MGA: variants seen among roughly 807,000 people sequenced by gnomAD.
The protein encoded by MGA is MAX gene-associated protein.
Under a neutral mutation model 261.1 loss-of-function variants are expected in MGA, and 40 were observed. The ratio of observed to expected loss-of-function variants is 0.15; its 90% CI spans 0.12 to 0.20. The LOEUF (loss-of-function observed/expected upper bound fraction) is 0.20, where lower values mean the gene tolerates loss of function less well. Ranked by LOEUF, MGA falls within the 10% of genes least tolerant of loss-of-function variation. MGA has a pLI of 1.00. For synonymous variants in MGA, 1,302 were observed against 1,290.6 expected (o/e 1.01, Z -0.19); for missense variants, 3,397 against 3,630.5 (o/e 0.94, Z 1.65).
chr15:41,707,623 GACCTT>G (rs1314900434), intron 5 of MGA, 100 bp from the exon 6 acceptor site: 4 of 1,080,556 alleles, frequency 3.7e-6, no homozygotes, highest in African/African-American at 3.2e-5. Context: ...TTTCTCTCTC[GACCTT>G]ACCCCCCCGC....
chr15:41,652,536 ATTT>A (rs565376449), intron 1 of MGA, among the ~76,000 whole-genome samples: 7 of 136,346 alleles, frequency 5.1e-5, no homozygotes, highest in Non-Finnish European at 8.0e-5. Flanking sequence ...AGCTAATTAA[ATTT>A]TTTTTTTTTT....
chr15:41,661,438 C>G (rs2057393870), intron 1 of MGA, among the ~76,000 whole-genome samples: 2 of 145,316 alleles, frequency 1.4e-5, no homozygotes, highest in Admixed American at 1.5e-4. Flanking sequence ...GTCGGGAGTG[C>G]AAAAGTGGTA....
At chr15:41,667,681 C>G (rs541247147) in intron 1 of MGA, among the ~76,000 whole-genome samples, 1 of 152,180 alleles carries the variant, frequency 6.6e-6, no homozygotes, top group South Asian at 2.1e-4. Context: ...TGTCCAGCCC[C>G]CTTTTTATAT....
At chr15:41,652,884 C>A (rs1347102370) in intron 1 of MGA, among the ~76,000 whole-genome samples, 2 of 152,070 alleles carry the variant, frequency 1.3e-5, no homozygotes, top group Non-Finnish European at 2.9e-5. Flanking sequence ...CTCATTGTAG[C>A]CTTATTTACT....
chr15:41,693,999 A>T lies in MGA; in HGVS notation c.1065-2076A>T, dbSNP rs1289123803. On this transcript the variant is annotated intron_variant, in intron 2 of 23. Coordinates refer to ENST00000219905, the MANE Select transcript of MGA (RefSeq NM_001164273.2). The stretch of plus-strand genomic sequence containing the variant: ...AGAAATCTAAGAAAATATTTCTTAG[A>T]TTTTAAGAAATATTCTGGGGGGAAA... 2.6e-5 allele frequency among the ~76,000 whole-genome samples: 4 copies of T among 152,192 alleles called. 1 individual carries two copies. In the East Asian group the frequency reaches 7.7e-4, roughly 29 times the overall value.
At chr15:41,689,166 A>G (rs1409780771) in intron 2 of MGA, among the ~76,000 whole-genome samples, 1 of 152,120 alleles carries the variant, frequency 6.6e-6, no homozygotes, top group African/African-American at 2.4e-5. Context: ...TAATGCACTT[A>G]TATTTGATGT....
chr15:41,686,022 A>T (rs986745606), intron 2 of MGA, among the ~76,000 whole-genome samples: 4 of 146,310 alleles, frequency 2.7e-5, no homozygotes. Context: ...AAAAAAAATA[A>T]TAATAATAAT....
At chr15:41,624,611 C>CA (rs1381355346) in intron 1 of MGA, among the ~76,000 whole-genome samples, 3 of 151,640 alleles carry the variant, frequency 2.0e-5, no homozygotes, top group Non-Finnish European at 2.9e-5. Flanking sequence ...CGGTGGGTGG[C>CA]GTGAGCCACC....
chr15:41,633,099 G>A (rs1463198126), intron 1 of MGA, among the ~76,000 whole-genome samples: 3 of 151,620 alleles, frequency 2.0e-5, no homozygotes, highest in Admixed American at 2.0e-4. Flanking sequence ...CTACAGGCGC[G>A]TGCCACCACG....
At position 41,764,752 on chromosome 15, in the gene MGA, C is replaced by T; in HGVS notation, c.7745-134C>T. The T allele has an allele frequency of 3.6e-6, 3 of 844,638 alleles. No individual in the cohort carries two copies. In the South Asian group the frequency reaches 5.3e-5, roughly 15 times the overall value. The allele number at this position is 844,638 out of a possible 1,614,324, so 52.3% of individuals were successfully genotyped here. A position where few individuals can be genotyped will look rare whatever the true frequency, so the allele number is the denominator to read the frequency against. On this transcript the variant is annotated intron_variant, in intron 22 of 23. Coordinates refer to ENST00000219905, the MANE Select transcript of MGA (RefSeq NM_001164273.2). ...GGAGATGGGGTCTCACCATGTTTCC[C>T]AGGCTGGTCTTGAACTCCTGGGCTC...
At chr15:41,712,555 T>C (rs2060442229) in intron 8 of MGA, among the ~76,000 whole-genome samples, 11 of 152,236 alleles carry the variant, frequency 7.2e-5, no homozygotes, top group Admixed American at 7.2e-4. Context: ...TTTGTAATTC[T>C]ATGACTGAAT....
chr15:41,745,500 T>C (rs749113368), intron 15 of MGA, among the ~76,000 whole-genome samples: 10 of 151,710 alleles, frequency 6.6e-5, no homozygotes, highest in South Asian at 2.1e-4. Flanking sequence ...ATTAAAGATA[T>C]ATCATCAAAG....
intron 2 of MGA, among the ~76,000 whole-genome samples, chr15:41,678,894 A>G (rs1195855416): frequency 2.6e-5 from 4 of 152,112 alleles, no homozygotes; most frequent in Non-Finnish European, 5.9e-5. Context: ...CTGTTCGCCT[A>G]TATGTTTATG....
chr15:41,701,820 A>G (rs1403442100), intron 5 of MGA, among the ~76,000 whole-genome samples: 1 of 152,182 alleles, frequency 6.6e-6, no homozygotes, highest in Non-Finnish European at 1.5e-5. Context: ...TAGATTCTAC[A>G]TTTGGTGCAA....
intron 2 of MGA, among the ~76,000 whole-genome samples, chr15:41,671,153 A>G (rs931086933): frequency 2.0e-5 from 3 of 152,180 alleles, no homozygotes; most frequent in East Asian, 1.9e-4. Flanking sequence ...TGAGTTGTCT[A>G]TACAATCAGT....
At chr15:41,651,313 C>T (rs7173779) in intron 1 of MGA, among the ~76,000 whole-genome samples, 22,855 of 152,072 alleles carry the variant, frequency 0.15, 2,627 homozygotes, top group East Asian at 0.68. Flanking sequence ...GATCTTACTT[C>T]GTTTTAATTT....
intron 2 of MGA, among the ~76,000 whole-genome samples, chr15:41,672,893 A>C (rs1328571475): frequency 7.6e-6 from 1 of 131,476 alleles, no homozygotes; most frequent in Non-Finnish European, 1.7e-5. Flanking sequence ...CACACACACT[A>C]TTTTCCCATT....
upstream of MGA, among the ~76,000 whole-genome samples, chr15:41,656,460 C>T (rs988984859): frequency 6.6e-6 from 1 of 151,352 alleles, no homozygotes; most frequent in East Asian, 1.9e-4. Flanking sequence ...TCCCACCTCA[C>T]CCTCCTGAGT....
rs1209936798 is a variant in MGA, at chr15:41,669,248, T to C, written c.354T>C (p.Asn118=). The C allele has an allele frequency of 8.1e-6, 13 of 1,613,902 alleles. No individual in the cohort carries two copies. The highest frequency in any genetic ancestry group is 1.1e-5 in the Non-Finnish European group (13 of 1,179,886). Residue 118 remains asparagine, a synonymous_variant, in exon 2 of 24, where the codon AAT becomes AAC. Transcript: ENST00000219905. ...ATTGGATAACAGGTTTAGATTCAAATTTGAAGTATATTCTTGTCATGGATA... is the reference window on the plus strand; with the variant it reads ...ATTGGATAACAGGTTTAGATTCAAACTTGAAGTATATTCTTGTCATGGATA...
Sources: gnomAD v4.1 joint callset for allele counts (sites outside exome capture counted in the v4.1 genomes callset) on GRCh38, gnomAD v4.1.1 for gene constraint, MANE v1.5 for transcripts, NCBI Gene and HGNC (gene_info 2026-07-23, HGNC 2026-07-21) for gene names.